Variants in SOS2 observed in about 807,000 individuals in gnomAD.
The protein encoded by SOS2 is SOS Ras/Rho guanine nucleotide exchange factor 2.
SOS2 carries 65 observed loss-of-function variants against 148.2 expected under a neutral mutation model. The ratio of observed to expected loss-of-function variants is 0.44; its 90% CI spans 0.36 to 0.54. The LOEUF is 0.54. SOS2 is among the 20% of genes least tolerant of loss of function. The pLI is 0.00. For synonymous variants in SOS2, 539 were observed against 537.1 expected (o/e 1.00, Z -0.05); for missense variants, 1,341 against 1,590.2 (o/e 0.84, Z 2.67).
At chr14:50,168,152 G>A (rs1343006551) in intron 8 of SOS2, among the ~76,000 whole-genome samples, 1 of 152,130 alleles carries the variant, frequency 6.6e-6, no homozygotes, top group Non-Finnish European at 1.5e-5. Context: ...GAGAGTAAGA[G>A]AACATTACTT....
intron 1 of SOS2, among the ~76,000 whole-genome samples, chr14:50,215,218 G>A (rs1887011215): frequency 6.6e-6 from 1 of 152,132 alleles, no homozygotes; most frequent in South Asian, 2.1e-4. Flanking sequence ...TTAAGATAAT[G>A]TCTAACTGGG....
At chr14:50,165,060 G>A (rs1004260794) in intron 8 of SOS2, among the ~76,000 whole-genome samples, 1 of 151,986 alleles carries the variant, frequency 6.6e-6, no homozygotes, top group African/African-American at 2.4e-5. Flanking sequence ...TGGAATATAA[G>A]GAAAAGTCAA....
intron 5 of SOS2, among the ~76,000 whole-genome samples, chr14:50,184,875 A>C (rs1223925388): frequency 1.3e-5 from 2 of 151,086 alleles, no homozygotes; most frequent in Non-Finnish European, 3.0e-5. Context: ...AAAAAAAAAA[A>C]AAAAAAAAAA....
At chr14:50,132,520 G>A (rs1883913427) in intron 19 of SOS2, among the ~76,000 whole-genome samples, 1 of 151,962 alleles carries the variant, frequency 6.6e-6, no homozygotes, top group Non-Finnish European at 1.5e-5. Context: ...AATTAGCCGG[G>A]CGTAGTGGCA....
intron 4 of SOS2, among the ~76,000 whole-genome samples, chr14:50,197,357 G>T (rs1375164091): frequency 2.0e-5 from 3 of 152,114 alleles, no homozygotes; most frequent in Non-Finnish European, 4.4e-5. Context: ...TCAAGTCATC[G>T]AAGTCAACAT....
intron 1 of SOS2, among the ~76,000 whole-genome samples, chr14:50,218,475 A>G (rs1453044839): frequency 6.6e-6 from 1 of 151,614 alleles, no homozygotes; most frequent in Non-Finnish European, 1.5e-5. Flanking sequence ...GTGAGCTGAG[A>G]TTGTGCCACT....
chr14:50,126,628 A>T (rs1883688672), intron 21 of SOS2, among the ~76,000 whole-genome samples: 1 of 152,180 alleles, frequency 6.6e-6, no homozygotes, highest in Non-Finnish European at 1.5e-5. Flanking sequence ...GAAATTTAAA[A>T]TTATGACAGA....
intron 21 of SOS2, among the ~76,000 whole-genome samples, chr14:50,125,963 G>C (rs1383581431): frequency 6.6e-6 from 1 of 152,200 alleles, no homozygotes; most frequent in Non-Finnish European, 1.5e-5. Context: ...AACATTCTTA[G>C]AGAAAATGCC....
At chr14:50,205,517 A>G (rs1384883542) in intron 1 of SOS2, among the ~76,000 whole-genome samples, 1 of 152,234 alleles carries the variant, frequency 6.6e-6, no homozygotes, top group South Asian at 2.1e-4. Context: ...AATTTACCAT[A>G]GAATTCTTCC....
intron 16 of SOS2, among the ~76,000 whole-genome samples, chr14:50,144,644 T>C (rs750614931): frequency 6.6e-6 from 1 of 151,882 alleles, no homozygotes; most frequent in Non-Finnish European, 1.5e-5. Context: ...CGCCGCGTTG[T>C]CCAGGTTGGT....
intron 21 of SOS2, among the ~76,000 whole-genome samples, chr14:50,128,809 TA>T (rs1883769627): frequency 6.6e-6 from 1 of 152,160 alleles, no homozygotes; most frequent in East Asian, 1.9e-4. Context: ...AGGGTCTTGC[TA>T]TGTTGCCCAG....
At chr14:50,195,372 G>A (rs985655257) in intron 4 of SOS2, among the ~76,000 whole-genome samples, 1 of 152,106 alleles carries the variant, frequency 6.6e-6, no homozygotes, top group African/African-American at 2.4e-5. Flanking sequence ...AAGGGGATCT[G>A]AAAATCCTGC....
intron 1 of SOS2, among the ~76,000 whole-genome samples, chr14:50,215,725 TA>T (rs146059135): frequency 0.013 from 1,973 of 151,268 alleles, 46 homozygotes; most frequent in African/African-American, 0.045. Flanking sequence ...TAAAGTATAA[TA>T]AAAAAAAACA....
chr14:50,193,500 A>C (rs9919951), intron 4 of SOS2, among the ~76,000 whole-genome samples: 133,144 of 152,160 alleles, frequency 0.88, 58,334 homozygotes, highest in East Asian at 0.91. Context: ...GATATGCTAG[A>C]ATACCTCATA....
At chr14:50,140,938 C>T (rs762847276) in intron 16 of SOS2, among the ~76,000 whole-genome samples, 55 of 152,214 alleles carry the variant, frequency 3.6e-4, no homozygotes, top group Non-Finnish European at 6.5e-4. Flanking sequence ...GGTGCAGTGG[C>T]TCACGCCTGT....
At chr14:50,139,607 G>A (rs1174463048) in intron 17 of SOS2, among the ~76,000 whole-genome samples, 2 of 152,078 alleles carry the variant, frequency 1.3e-5, no homozygotes, top group African/African-American at 2.4e-5. Flanking sequence ...AAATCACATA[G>A]AAGCTTTTAA....
chr14:50,151,735 G>A (rs778956233), intron 13 of SOS2, among the ~76,000 whole-genome samples: 2 of 151,906 alleles, frequency 1.3e-5, no homozygotes, highest in Non-Finnish European at 2.9e-5. Flanking sequence ...TTTGTTTTTT[G>A]TTTATTTTGA....
chr14:50,193,751 GATT>G (rs1886228265), intron 4 of SOS2, among the ~76,000 whole-genome samples: 2 of 151,362 alleles, frequency 1.3e-5, no homozygotes, highest in African/African-American at 4.9e-5. Context: ...AAGTCATCGG[GATT>G]TTTTTTTTTT....
intron 18 of SOS2, among the ~76,000 whole-genome samples, chr14:50,137,820 T>TTATA (rs1460714059): frequency 6.6e-6 from 1 of 152,122 alleles, no homozygotes; most frequent in Non-Finnish European, 1.5e-5. Context: ...AATAATCCAA[T>TTATA]TATACTCTTA....
Sources: gnomAD v4.1 joint callset for allele counts (sites outside exome capture counted in the v4.1 genomes callset) on GRCh38, gnomAD v4.1.1 for gene constraint, MANE v1.5 for transcripts, NCBI Gene and HGNC (gene_info 2026-07-23, HGNC 2026-07-21) for gene names.